The following CDH12 variants were observed in gnomAD, a reference collection of about 807,000 sequenced individuals.
The protein encoded by CDH12 is cadherin 12, also known as cadherin-12.
A neutral mutation model predicts 74.1 loss-of-function variants in CDH12; 41 were observed. That is an observed-to-expected ratio of 0.55 (90% confidence interval 0.43 to 0.72). CDH12 has a LOEUF of 0.72. Among genes scored for constraint, CDH12 ranks in the 30% least tolerant of loss-of-function variants. The probability of loss-of-function intolerance (pLI) is 0.00; values close to 1 mark genes in which losing one functional copy is unlikely to be tolerated. For missense variants in CDH12, 945 were observed against 977.2 expected (o/e 0.97, Z 0.44); for synonymous variants, 399 against 355.0 (o/e 1.12, Z -1.39).
intron 3 of CDH12, among the ~76,000 whole-genome samples, chr5:22,234,569 T>G (rs979100581): frequency 4.0e-5 from 6 of 150,692 alleles, no homozygotes; most frequent in African/African-American, 7.4e-5. Context: ...GTATGTGGGG[T>G]TTTTTTTGTT....
chr5:22,531,912 T>C (rs562600922), intron 1 of CDH12, among the ~76,000 whole-genome samples: 2 of 152,184 alleles, frequency 1.3e-5, no homozygotes, highest in South Asian at 4.2e-4. Flanking sequence ...AGTTTACACC[T>C]GGAGACTGCA....
At chr5:22,087,712 A>C (rs990509530) in intron 4 of CDH12, among the ~76,000 whole-genome samples, 7 of 152,228 alleles carry the variant, frequency 4.6e-5, no homozygotes, top group Admixed American at 6.5e-5. Flanking sequence ...AATGTATAGA[A>C]ATCTTCATAA....
rs554734709 is a variant in CDH12 at position 22,229,010 on chromosome 5, T to C, written c.-332-16367A>G. Among the ~76,000 whole-genome samples, 392 of 152,228 alleles carry C rather than the reference T, an allele frequency of 2.6e-3. 2 individuals are homozygous for C. The highest frequency in any genetic ancestry group is 4.3e-3 in the Non-Finnish European group (294 of 68,016). On this transcript the variant is annotated intron_variant, in intron 3 of 14. Coordinates refer to ENST00000382254, the MANE Select transcript of CDH12 (RefSeq NM_004061.5). Reference sequence around the variant, plus strand: ...TACTATAATTGTTCAAGTGAGTAGATATCCTCCCTTCAAGTGACTATATCT... The same window carrying C: ...TACTATAATTGTTCAAGTGAGTAGACATCCTCCCTTCAAGTGACTATATCT...
chr5:22,510,766 T>C (rs1399625732), intron 1 of CDH12, among the ~76,000 whole-genome samples: 1 of 152,176 alleles, frequency 6.6e-6, no homozygotes, highest in African/African-American at 2.4e-5. Context: ...CTATGGTTGG[T>C]TGAATCCAAA....
At chr5:22,598,554 G>T (rs931752233) in intron 1 of CDH12, among the ~76,000 whole-genome samples, 1 of 152,082 alleles carries the variant, frequency 6.6e-6, no homozygotes. Context: ...AAATTACCCA[G>T]TTTGGGGTAT....
intron 2 of CDH12, among the ~76,000 whole-genome samples, chr5:22,489,063 T>TTTTTTTTTTTTTTTTTTG: frequency 1.7e-5 from 1 of 59,940 alleles, no homozygotes; most frequent in East Asian, 3.0e-4. Context: ...CACCTTTTTT[T>TTTTTTTTTTTTTTTTTTG]TTTTTTTTTT....
chr5:22,551,419 A>G (rs1441812423), intron 1 of CDH12, among the ~76,000 whole-genome samples: 2 of 152,170 alleles, frequency 1.3e-5, no homozygotes, highest in African/African-American at 2.4e-5. Context: ...AGGTGGCCCA[A>G]CCCAGAAAGG....
chr5:22,452,455 G>A (rs932000082), intron 2 of CDH12, among the ~76,000 whole-genome samples: 1 of 151,742 alleles, frequency 6.6e-6, no homozygotes, highest in Admixed American at 6.6e-5. Flanking sequence ...AAGTTTCCAG[G>A]AACACACAAT....
intron 11 of CDH12, among the ~76,000 whole-genome samples, chr5:21,768,233 A>C (rs1463403677): frequency 6.6e-6 from 1 of 151,812 alleles, no homozygotes; most frequent in Non-Finnish European, 1.5e-5. Flanking sequence ...TTTAATAGCT[A>C]GTTACTAATT....
At chr5:21,815,942 T>A (rs951405830) in intron 9 of CDH12, among the ~76,000 whole-genome samples, 26 of 152,226 alleles carry the variant, frequency 1.7e-4, no homozygotes, top group African/African-American at 5.5e-4. Context: ...GAATCTTTTT[T>A]AAATGATGTC....
chr5:22,032,836 GCA>G (rs369801639), intron 5 of CDH12, among the ~76,000 whole-genome samples: 2 of 142,054 alleles, frequency 1.4e-5, no homozygotes, highest in Admixed American at 1.4e-4. Context: ...ACACACACAC[GCA>G]CACACACAAA....
At chr5:22,192,590 T>G (rs967820424) in intron 4 of CDH12, among the ~76,000 whole-genome samples, 4 of 151,872 alleles carry the variant, frequency 2.6e-5, no homozygotes, top group Admixed American at 2.6e-4. Flanking sequence ...TAGGGGTGTG[T>G]GTGTGTACAT....
At chr5:22,562,099 T>C (rs1030808546) in intron 1 of CDH12, among the ~76,000 whole-genome samples, 80 of 152,152 alleles carry the variant, frequency 5.3e-4, no homozygotes, top group African/African-American at 1.2e-3. Context: ...GGGCGGATCA[T>C]GAGGTCAGGA....
intron 6 of CDH12, among the ~76,000 whole-genome samples, chr5:21,938,258 A>T (rs1019412241): frequency 3.3e-5 from 5 of 152,012 alleles, no homozygotes; most frequent in Non-Finnish European, 5.9e-5. Context: ...GTATAAGTTG[A>T]GGTTAATCTA....
At chr5:22,041,445 C>G (rs1174078162) in intron 5 of CDH12, among the ~76,000 whole-genome samples, 1 of 152,002 alleles carries the variant, frequency 6.6e-6, no homozygotes, top group Non-Finnish European at 1.5e-5. Flanking sequence ...CCTACTTTAG[C>G]CTATGTACAT....
At chr5:22,793,697 T>G (rs1015917975) in intron 1 of CDH12, among the ~76,000 whole-genome samples, 6 of 151,974 alleles carry the variant, frequency 3.9e-5, no homozygotes, top group African/African-American at 1.4e-4. Context: ...AATGTTTGCA[T>G]AAGTCTCAGG....
intron 2 of CDH12, among the ~76,000 whole-genome samples, chr5:22,421,185 C>A (rs988604808): frequency 2.0e-5 from 3 of 151,984 alleles, no homozygotes; most frequent in Non-Finnish European, 2.9e-5. Flanking sequence ...CCTTTTATTT[C>A]TTTTTAAAAT....
At chr5:22,514,655 ATTTG>A (rs933224717) in intron 1 of CDH12, among the ~76,000 whole-genome samples, 18 of 152,204 alleles carry the variant, frequency 1.2e-4, no homozygotes, top group African/African-American at 4.3e-4. Flanking sequence ...AATTTACATT[ATTTG>A]TTTGGTTCAA....
At chr5:22,080,436 AAATT>A (rs1372310069) in intron 4 of CDH12, among the ~76,000 whole-genome samples, 1 of 152,172 alleles carries the variant, frequency 6.6e-6, no homozygotes, top group Non-Finnish European at 1.5e-5. Context: ...AACCGGATAT[AAATT>A]TTTTTCTTCT....
Sources: gnomAD v4.1 joint callset for allele counts (sites outside exome capture counted in the v4.1 genomes callset) on GRCh38, gnomAD v4.1.1 for gene constraint, MANE v1.5 for transcripts, NCBI Gene and HGNC (gene_info 2026-07-23, HGNC 2026-07-21) for gene names.